The following AKR1D1 variants were observed in gnomAD, a reference collection of about 807,000 sequenced individuals.
AKR1D1 encodes the protein aldo-keto reductase family 1 member D1, also known as delta(4)-3-ketosteroid 5-beta-reductase.
AKR1D1 carries 32 observed loss-of-function variants against 42.6 expected under a neutral mutation model. The observed-to-expected ratio is 0.75, with a 90% CI of 0.57 to 1.01. The LOEUF is 1.01. Ranked by LOEUF, AKR1D1 falls within the 50% of genes least tolerant of loss-of-function variation. The pLI, the probability that AKR1D1 is intolerant of heterozygous loss-of-function variation, is 0.00. For synonymous variants in AKR1D1, 123 were observed against 135.5 expected (o/e 0.91, Z 0.64); for missense variants, 364 against 402.2 (o/e 0.91, Z 0.81).
At chr7:138,106,796 CT>C in intron 6 of AKR1D1, 79 bp downstream of exon 6, 1 of 1,178,780 alleles carries the variant, frequency 8.5e-7, no homozygotes, top group Non-Finnish European at 1.3e-6. Flanking sequence ...ATTGGAATGC[CT>C]TTTGGTTTGC....
In AKR1D1 at chr7:138,105,406, A is replaced by G. The variant is rs975880769; in HGVS notation, c.556A>G (p.Lys186Glu). ...GCTCATCCTGAACAAGCCAGGACTC[A>G]AACACAAGCCAGTCAGCAACCAGGT... Reference protein sequence around the residue: ...LELILNKPGLKHKPVSNQVEC... With the variant: ...LELILNKPGLEHKPVSNQVEC... Residue 186 changes from lysine (K) to glutamate (E), a missense_variant, in exon 5 of 9, where the codon AAA (lysine) becomes GAA (glutamate). By Grantham distance (56) the Lys-to-Glu change is moderately conservative. Coordinates refer to ENST00000242375, the MANE Select transcript of AKR1D1 (RefSeq NM_005989.4). The G allele has an allele frequency of 6.2e-7, 1 of 1,614,102 alleles. No homozygotes were observed.
At chr7:138,116,501 C>T in intron 8 of AKR1D1, 119 bp from the exon 9 acceptor site, 1 of 1,128,868 alleles carries the variant, frequency 8.9e-7, no homozygotes, top group Non-Finnish European at 1.3e-6. Context: ...TAAGAAACAG[C>T]AGAGGAATGA....
intron 1 of AKR1D1, among the ~76,000 whole-genome samples, chr7:138,081,826 C>T (rs917005821): frequency 6.6e-6 from 1 of 152,168 alleles, no homozygotes; most frequent in African/African-American, 2.4e-5. Context: ...AGGTGATTCA[C>T]CTGCCTCGGC....
intron 4 of AKR1D1, among the ~76,000 whole-genome samples, chr7:138,101,056 G>A (rs1181129846): frequency 6.6e-6 from 1 of 151,818 alleles, no homozygotes; most frequent in Non-Finnish European, 1.5e-5. Flanking sequence ...TAAGTATACA[G>A]AAAGAGCTAT....
intron 1 of AKR1D1, among the ~76,000 whole-genome samples, chr7:138,081,431 T>A (rs1376794748): frequency 6.7e-6 from 1 of 149,792 alleles, no homozygotes; most frequent in Non-Finnish European, 1.5e-5. Context: ...CCTCAGTGTA[T>A]CACCCTCTTT....
chr7:138,087,033 A>C (rs1803196828), intron 1 of AKR1D1, among the ~76,000 whole-genome samples: 1 of 152,180 alleles, frequency 6.6e-6, no homozygotes, highest in Non-Finnish European at 1.5e-5. Flanking sequence ...ATGGTGTCTT[A>C]CTCTATTTTG....
In AKR1D1 at chr7:138,090,590, T is replaced by G. The variant is rs944605498; in HGVS notation, c.262-1178T>G. 2.1e-5 allele frequency among the ~76,000 whole-genome samples: 3 copies of G among 140,650 alleles called. No individual in the cohort carries two copies. The East Asian group carries it at 6.2e-4, about 29-fold the overall frequency. The allele number at this position is 140,650 out of a possible 152,430, so 92.3% of individuals were successfully genotyped here. ...AGGCAGAGGTTGCACTAAGCCAAGATCAAGCCACTGCGCTCCAGCCTCAGC... is the reference window on the plus strand; with the variant it reads ...AGGCAGAGGTTGCACTAAGCCAAGAGCAAGCCACTGCGCTCCAGCCTCAGC... On this transcript the variant is annotated intron_variant, in intron 2 of 8. Coordinates refer to ENST00000242375, the MANE Select transcript of AKR1D1 (RefSeq NM_005989.4).
intron 4 of AKR1D1, among the ~76,000 whole-genome samples, chr7:138,102,319 G>A (rs547104815): frequency 6.6e-6 from 1 of 151,730 alleles, no homozygotes; most frequent in East Asian, 1.9e-4. Flanking sequence ...CTATAACCCA[G>A]CACTTTGAGA....
intron 5 of AKR1D1, among the ~76,000 whole-genome samples, chr7:138,105,980 T>G (rs1197190190): frequency 6.6e-6 from 1 of 152,000 alleles, no homozygotes; most frequent in South Asian, 2.1e-4. Context: ...GTAAAAGGAA[T>G]GAACAGAAAT....
intron 1 of AKR1D1, among the ~76,000 whole-genome samples, chr7:138,079,138 A>C (rs1803001801): frequency 6.6e-6 from 1 of 152,022 alleles, no homozygotes; most frequent in African/African-American, 2.4e-5. Flanking sequence ...GGCCCTAAAC[A>C]TTCCTTACTT....
At chr7:138,093,652 C>A (rs975303799) in intron 3 of AKR1D1, among the ~76,000 whole-genome samples, 1 of 151,962 alleles carries the variant, frequency 6.6e-6, no homozygotes. Flanking sequence ...ACCTGCCTGG[C>A]GTTTTTTTAC....
At chr7:138,099,479 C>T (rs1478311501) in intron 4 of AKR1D1, among the ~76,000 whole-genome samples, 1 of 151,696 alleles carries the variant, frequency 6.6e-6, no homozygotes, top group African/African-American at 2.4e-5. Context: ...TTTTAAAAAA[C>T]AAGCTAAAAT....
At chr7:138,101,097 T>G (rs1794299624) in intron 4 of AKR1D1, among the ~76,000 whole-genome samples, 1 of 152,066 alleles carries the variant, frequency 6.6e-6, no homozygotes, top group Admixed American at 6.6e-5. Flanking sequence ...ATTATCAACC[T>G]TCTTAACCTG....
chr7:138,105,454 G>A (rs560673517), intron 5 of AKR1D1, 25 bp downstream of exon 5: 26 of 1,613,270 alleles, frequency 1.6e-5, no homozygotes, highest in Non-Finnish European at 2.0e-5. Flanking sequence ...CTTCCACTAG[G>A]GTGTGGGGAG....
intron 7 of AKR1D1, among the ~76,000 whole-genome samples, chr7:138,108,438 C>G (rs1350858380): frequency 6.6e-6 from 1 of 152,082 alleles, no homozygotes; most frequent in Non-Finnish European, 1.5e-5. Context: ...AGAAAATAAT[C>G]AAAATACTTG....
chr7:138,112,620 G>A (rs1272855640), intron 7 of AKR1D1, among the ~76,000 whole-genome samples: 3 of 152,048 alleles, frequency 2.0e-5, no homozygotes, highest in African/African-American at 4.8e-5. Flanking sequence ...GGTGATGAGT[G>A]ACAAGATTTT....
chr7:138,092,515 T>TA (rs1444753369), intron 3 of AKR1D1, among the ~76,000 whole-genome samples: 11 of 152,260 alleles, frequency 7.2e-5, no homozygotes, highest in Non-Finnish European at 1.2e-4. Context: ...AGAGTGTACT[T>TA]ACACAAACCG....
intron 2 of AKR1D1, among the ~76,000 whole-genome samples, chr7:138,091,018 A>ATTTTT (rs762333058): frequency 6.6e-6 from 1 of 152,214 alleles, no homozygotes; most frequent in Non-Finnish European, 1.5e-5. Flanking sequence ...TTCCTTGCTC[A>ATTTTT]TTTTATCAGA....
chr7:138,078,411 A>G (rs1215033503), intron 1 of AKR1D1, among the ~76,000 whole-genome samples: 1 of 152,254 alleles, frequency 6.6e-6, no homozygotes, highest in Non-Finnish European at 1.5e-5. Context: ...AACTACCCAT[A>G]GCAAGAGTAG....
Sources: allele counts gnomAD v4.1 joint callset (sites outside exome capture counted in the v4.1 genomes callset), GRCh38; gene constraint gnomAD v4.1.1; transcripts MANE v1.5; gene names NCBI Gene and HGNC (gene_info 2026-07-23, HGNC 2026-07-21).